ARHGEF17: variants seen among roughly 807,000 people sequenced by gnomAD.
ARHGEF17 encodes the protein Rho guanine nucleotide exchange factor 17.
In ARHGEF17, 80 loss-of-function variants were observed where a neutral mutation model predicts 174.0. The ratio of observed to expected loss-of-function variants is 0.46; its 90% CI spans 0.38 to 0.55. ARHGEF17 has a LOEUF of 0.55. Ranked by LOEUF, ARHGEF17 falls within the 20% of genes least tolerant of loss-of-function variation. ARHGEF17 has a pLI of 0.00. For synonymous variants in ARHGEF17, 1,311 were observed against 1,189.1 expected (o/e 1.10, Z -2.11); for missense variants, 2,886 against 2,839.7 (o/e 1.02, Z -0.37).
In ARHGEF17 at chr11:73,325,018, G is replaced by A. The variant is rs117634521; in HGVS notation, c.3192+13188G>A. ...TGCTGGCGGAGAGAACTCAGCCCAGGAGTTTGGGAAGGTGGAGAGATGGGC... is the reference window on the plus strand; with the variant it reads ...TGCTGGCGGAGAGAACTCAGCCCAGAAGTTTGGGAAGGTGGAGAGATGGGC... On this transcript the variant is annotated intron_variant, in intron 1 of 20. Coordinates refer to ENST00000263674, the MANE Select transcript of ARHGEF17 (RefSeq NM_014786.4). Among the ~76,000 whole-genome samples, 596 of 152,072 alleles carry A rather than the reference G, an allele frequency of 3.9e-3. 1 individual carries two copies. Among genetic ancestry groups the A allele is most frequent in the Non-Finnish European group, 7.2e-3 (490 of 67,960 alleles).
intron 1 of ARHGEF17, among the ~76,000 whole-genome samples, chr11:73,344,324 G>A (rs528301893): frequency 1.3e-5 from 2 of 152,362 alleles, no homozygotes; most frequent in South Asian, 4.1e-4. Context: ...CAGGGAGCTG[G>A]CCTTGTTTTC....
At chr11:73,348,248 T>G (rs2134412280) in intron 2 of ARHGEF17, among the ~76,000 whole-genome samples, 1 of 152,242 alleles carries the variant, frequency 6.6e-6, no homozygotes, top group Admixed American at 6.5e-5. Flanking sequence ...ACTCCACAAA[T>G]CCACGGTGAG....
At chr11:73,325,260 C>T (rs762989571) in intron 1 of ARHGEF17, among the ~76,000 whole-genome samples, 1 of 152,204 alleles carries the variant, frequency 6.6e-6, no homozygotes. Flanking sequence ...CTCTGGGCCC[C>T]TAGCCCTGAG....
chr11:73,364,054 G>A, intron 16 of ARHGEF17, 118 bp from the exon 17 acceptor site: 1 of 1,152,630 alleles, frequency 8.7e-7, no homozygotes, highest in Non-Finnish European at 1.3e-6. Context: ...GGAGAACAAG[G>A]GGTGGGAAGA....
chr11:73,318,279 G>T (rs1250262719), intron 1 of ARHGEF17, among the ~76,000 whole-genome samples: 1 of 151,480 alleles, frequency 6.6e-6, no homozygotes, highest in Non-Finnish European at 1.5e-5. Context: ...CACACTTGTG[G>T]CAGGCTGTGG....
intron 3 of ARHGEF17, among the ~76,000 whole-genome samples, chr11:73,354,762 C>T (rs1241602645): frequency 6.6e-6 from 1 of 151,930 alleles, no homozygotes; most frequent in Non-Finnish European, 1.5e-5. Context: ...AGAAATATCA[C>T]TAATGTGGTC....
At chr11:73,352,203 A>G (rs1865565755) in intron 2 of ARHGEF17, among the ~76,000 whole-genome samples, 1 of 152,098 alleles carries the variant, frequency 6.6e-6, no homozygotes, top group South Asian at 2.1e-4. Context: ...GCAGACCTGT[A>G]ATCCCAGCTA....
At chr11:73,356,460 C>T (rs1354411585) in intron 6 of ARHGEF17, 109 bp downstream of exon 6, 18 of 1,369,704 alleles carry the variant, frequency 1.3e-5, no homozygotes, top group East Asian at 1.0e-4. Context: ...TGTCCATGTC[C>T]GGAACCACAG....
Position 73,357,091 on chromosome 11 carries a change from C to G in ARHGEF17, c.3958C>G (p.Leu1320Val). Residue 1320 changes from leucine to valine, a missense_variant, in exon 8 of 21, where the codon CTG becomes GTG. Leu to Val is a conservative substitution (Grantham distance 32, BLOSUM62 1). Transcript: ENST00000263674. ...CACGGACCTCATCGTCTGCACCACTCTGAAGCGAAAGTCAGGCTCCCTGCG... is the reference window on the plus strand; with the variant it reads ...CACGGACCTCATCGTCTGCACCACTGTGAAGCGAAAGTCAGGCTCCCTGCG... ...LFTDLIVCTTLKRKSGSLRRS... is the reference protein window; with the variant it reads ...LFTDLIVCTTVKRKSGSLRRS... The G allele has an allele frequency of 1.2e-6, 2 of 1,614,222 alleles. No homozygotes were observed. The highest frequency in any genetic ancestry group is 1.7e-6 in the Non-Finnish European group (2 of 1,180,054).
chr11:73,338,824 A>T (rs750019910), intron 1 of ARHGEF17, among the ~76,000 whole-genome samples: 4 of 152,008 alleles, frequency 2.6e-5, no homozygotes, highest in Non-Finnish European at 5.9e-5. Context: ...CTTACCAGCC[A>T]GGTGACCTCT....
chr11:73,337,056 C>T (rs968439319), intron 1 of ARHGEF17, among the ~76,000 whole-genome samples: 1 of 152,204 alleles, frequency 6.6e-6, no homozygotes, highest in Non-Finnish European at 1.5e-5. Flanking sequence ...AAGGCAGTCA[C>T]AAAGCTTTAC....
rs1864998565 is a variant in ARHGEF17 at position 73,320,455 on chromosome 11, T to G, written c.3192+8625T>G. The stretch of plus-strand genomic sequence containing the variant: ...TCAAGACTCAGCCTGGCCAATATGG[T>G]GAAACCCTGTCTCCACTAAAAAAAA... On this transcript the variant is annotated intron_variant, in intron 1 of 20. Transcript: ENST00000263674. Among the ~76,000 whole-genome samples the G allele has an allele frequency of 1.3e-5, 2 of 148,292 alleles. 1 individual carries two copies. The highest frequency in any genetic ancestry group is 4.2e-4 in the South Asian group (2 of 4,728).
chr11:73,309,784 C>G lies in ARHGEF17; in HGVS notation c.1146C>G (p.Ala382=). The G allele has an allele frequency of 6.2e-7, 1 of 1,613,022 alleles. No individual in the cohort carries two copies. Among genetic ancestry groups the G allele is most frequent in the Non-Finnish European group, 8.5e-7 (1 of 1,180,004 alleles). Residue 382 remains alanine (A), a synonymous_variant, in exon 1 of 21, where the codon GCC becomes GCG. Transcript: ENST00000263674. ...AGGTGAGCTTTCCCTCGTACCTGGCCAGCCCCGCAGGCTCCCGCGGTAGCA... is the reference window on the plus strand; with the variant it reads ...AGGTGAGCTTTCCCTCGTACCTGGCGAGCCCCGCAGGCTCCCGCGGTAGCA... ...VAKVSFPSYL[A]SPAGSRGSSR...
intron 4 of ARHGEF17, 71 bp downstream of exon 4, chr11:73,355,720 C>A (rs1404284203): frequency 6.4e-7 from 1 of 1,560,900 alleles, no homozygotes; most frequent in Middle Eastern, 1.7e-4. Flanking sequence ...CCCAGGAGCT[C>A]CCAGCGTGGG....
chr11:73,362,820 G>T (rs1865770371), intron 14 of ARHGEF17, 86 bp downstream of exon 14: 4 of 1,477,708 alleles, frequency 2.7e-6, no homozygotes, highest in Non-Finnish European at 3.6e-6. Flanking sequence ...CCAGTGTAGG[G>T]CAAAGGCATG....
At position 73,355,653 on chromosome 11, in the gene ARHGEF17, C is replaced by T. The variant is rs1406573468; in HGVS notation, c.3570+4C>T. 4 of 1,612,376 alleles carry T rather than the reference C, an allele frequency of 2.5e-6. No homozygotes were observed. The highest frequency in any genetic ancestry group is 2.5e-6 in the Non-Finnish European group (3 of 1,178,384). On this transcript the variant is annotated splice_donor_region_variant and intron_variant, in intron 4 of 20. Coordinates refer to ENST00000263674, the MANE Select transcript of ARHGEF17 (RefSeq NM_014786.4). Reference sequence around the variant, plus strand: ...TGCCTTTCTCAAGTTCCTAGAGGTACTGTGGGCTAGGGCAGGGGGATGGAG... The same window carrying T: ...TGCCTTTCTCAAGTTCCTAGAGGTATTGTGGGCTAGGGCAGGGGGATGGAG...
intron 1 of ARHGEF17, among the ~76,000 whole-genome samples, chr11:73,326,168 C>T (rs1482661026): frequency 6.6e-6 from 1 of 152,004 alleles, no homozygotes; most frequent in African/African-American, 2.4e-5. Flanking sequence ...AACTGGGGGT[C>T]GAAGGAGGCC....
chr11:73,310,420 G>T lies in ARHGEF17; in HGVS notation c.1782G>T (p.Glu594Asp). ...PLIVQDQYVQ[E>D]ARQVFEKIQR... The stretch of plus-strand genomic sequence containing the variant: ...TCGTCCAGGACCAATATGTGCAGGA[G>T]GCCCGCCAGGTTTTTGAGAAGATCC... Residue 594 changes from glutamate (E) to aspartate (D), a missense_variant, in exon 1 of 21, where the codon GAG becomes GAT. Around this residue, in one of 4 missense-constraint regions of ARHGEF17, gnomAD observed 1,728 missense variants for 1,461.2 expected, o/e 1.18. Coordinates refer to ENST00000263674, the MANE Select transcript of ARHGEF17 (RefSeq NM_014786.4). The T allele has an allele frequency of 6.2e-7, 1 of 1,614,008 alleles. No individual in the cohort carries two copies. The highest frequency in any genetic ancestry group is 8.5e-7 in the Non-Finnish European group (1 of 1,180,036).
intron 1 of ARHGEF17, among the ~76,000 whole-genome samples, chr11:73,345,898 T>A (rs1287266637): frequency 6.6e-6 from 1 of 150,870 alleles, no homozygotes; most frequent in African/African-American, 2.4e-5. Flanking sequence ...TGGAGTGGAG[T>A]CTCTGCCAGA....
Sources: gnomAD v4.1 joint callset for allele counts (sites outside exome capture counted in the v4.1 genomes callset) on GRCh38, gnomAD v4.1.1 for gene constraint, gnomAD v4.1.1 regional missense constraint, MANE v1.5 for transcripts, NCBI Gene and HGNC (gene_info 2026-07-23, HGNC 2026-07-21) for gene names.